The following CNTRL variants were observed in gnomAD, a reference collection of about 807,000 sequenced individuals.
CNTRL encodes 110 kDa centrosomal protein.
Under a neutral mutation model 303.7 loss-of-function variants are expected in CNTRL, and 233 were observed. The ratio of observed to expected loss-of-function variants is 0.77; its 90% confidence interval spans 0.69 to 0.86. The LOEUF is 0.86. CNTRL is among the 40% of genes least tolerant of loss of function. The probability of loss-of-function intolerance (pLI) is 0.00; values close to 1 mark genes in which losing one functional copy is unlikely to be tolerated. For synonymous variants in CNTRL, 900 were observed against 922.2 expected, an observed-to-expected ratio of 0.98 and a Z score of 0.44; for missense variants, 2,524 against 2,650.6, an observed-to-expected ratio of 0.95 and a Z score of 1.05.
At chr9:121,152,401 A>C (rs1056371025) in intron 25 of CNTRL, 84 bp from the exon 26 acceptor site, 4 of 1,130,154 alleles carry the variant, frequency 3.5e-6, no homozygotes, top group Non-Finnish European at 5.3e-6. Flanking sequence ...CACTTTAACC[A>C]CAGTTAATTT....
In CNTRL at chr9:121,166,256, A is replaced by T; in HGVS notation, c.5655+76A>T. ...CATTGGTTTAAATAACAAAGAAATC[A>T]AGTAGGCTGGTTCCTCTTCACAACA... On this transcript the variant is annotated intron_variant, in intron 36 of 43. Coordinates refer to ENST00000373855, the MANE Select transcript of CNTRL (RefSeq NM_007018.6). 2.9e-6 allele frequency: 3 copies of T among 1,025,514 alleles called. No homozygotes were observed. In the South Asian group the frequency reaches 4.6e-5, roughly 16 times the overall value. The allele number at this position is 1,025,514 out of a possible 1,614,324, so 63.5% of individuals were successfully genotyped here.
intron 16 of CNTRL, among the ~76,000 whole-genome samples, chr9:121,140,378 T>C (rs1032605072): frequency 2.6e-5 from 4 of 152,230 alleles, no homozygotes; most frequent in Non-Finnish European, 4.4e-5. Context: ...GCAATGGGCA[T>C]GGACAGTTTA....
At chr9:121,090,830 C>T (rs575013371) in intron 4 of CNTRL, among the ~76,000 whole-genome samples, 1 of 152,244 alleles carries the variant, frequency 6.6e-6, no homozygotes, top group East Asian at 1.9e-4. Context: ...TTTCATGCTG[C>T]TGATAAAGAC....
chr9:121,133,526 C>T (rs2050997267), intron 14 of CNTRL, among the ~76,000 whole-genome samples: 1 of 152,248 alleles, frequency 6.6e-6, no homozygotes, highest in African/African-American at 2.4e-5. Context: ...TGAGAGTGTC[C>T]TGTTTTTCCA....
Position 121,173,419 on chromosome 9 carries a change from A to T in CNTRL, c.6594A>T (p.Gly2198=). ...AILERNENLE[G]ELESLKENLP... is the part of the protein sequence containing the mutation. ...TGGAAAGAAACGAAAACCTAGAAGGAGAATTGGAAAGCTTGAAAGAGAACC... is the reference window on the plus strand; with the variant it reads ...TGGAAAGAAACGAAAACCTAGAAGGTGAATTGGAAAGCTTGAAAGAGAACC... The change falls in exon 41 of 44, where the codon GGA becomes GGT. Residue 2198 remains glycine, a synonymous_variant. Coordinates refer to ENST00000373855, the MANE Select transcript of CNTRL (RefSeq NM_007018.6). 6.2e-7 allele frequency: 1 copy of T among 1,614,030 alleles called. No homozygotes were observed. Among genetic ancestry groups the T allele is most frequent in the Non-Finnish European group, 8.5e-7 (1 of 1,179,994 alleles).
rs768183777 is a variant in CNTRL at position 121,144,886 on chromosome 9, C to G, written c.3095C>G (p.Ala1032Gly). Residue 1032 changes from alanine (A) to glycine (G), a missense_variant, in exon 21 of 44, where the codon GCA (alanine) becomes GGA (glycine). Coordinates refer to ENST00000373855, the MANE Select transcript of CNTRL (RefSeq NM_007018.6). ...AERFSRKAAQ[A>G]ARDLTRAEAE... ...AGGTTCAGCAGAAAGGCAGCACAAG[C>G]AGCCAGAGATCTCACCCGAGCAGAA... is the stretch of plus-strand genomic sequence containing the variant. The G allele has an allele frequency of 6.2e-7, 1 of 1,613,376 alleles. No individual in the cohort carries two copies. The highest frequency in any genetic ancestry group is 1.3e-5 in the African/African-American group (1 of 74,892).
chr9:121,088,165 C>G, intron 2 of CNTRL, 131 bp from the exon 3 acceptor site: 1 of 603,952 alleles, frequency 1.7e-6, no homozygotes, highest in East Asian at 2.8e-5. Flanking sequence ...GCTCCATCAG[C>G]TTGGAGTAGT....
At position 121,096,565 on chromosome 9, in the gene CNTRL, T is replaced by C; in HGVS notation, c.621+2T>C. 1.4e-6 allele frequency: 2 copies of C among 1,434,010 alleles called. No homozygotes were observed. The highest frequency in any genetic ancestry group is 1.9e-6 in the Non-Finnish European group (2 of 1,080,882). The allele number at this position is 1,434,010 out of a possible 1,614,324, so 88.8% of individuals were successfully genotyped here. A position where few individuals can be genotyped will look rare whatever the true frequency, so the allele number is the denominator to read the frequency against. Reference sequence around the variant, plus strand: ...TTGAAAGGCAACAAGATATCATCGGTAAGTTATTCAAAATAGCAGGAATTT... The same window carrying C: ...TTGAAAGGCAACAAGATATCATCGGCAAGTTATTCAAAATAGCAGGAATTT... On this transcript the variant is annotated splice_donor_variant, in intron 6 of 43. Coordinates refer to ENST00000373855, the MANE Select transcript of CNTRL (RefSeq NM_007018.6). LOFTEE classifies it high-confidence loss of function.
At position 121,154,800 on chromosome 9, in the gene CNTRL, G is replaced by A. The variant is rs764264055; in HGVS notation, c.4252G>A (p.Val1418Ile). Residue 1418 changes from valine to isoleucine, a missense_variant, in exon 27 of 44, where the codon GTA (valine) becomes ATA (isoleucine). Physicochemically the swap from Val to Ile is conservative, Grantham distance 29. Transcript: ENST00000373855. ...ATCACTCAAACATCATGAAGATATT[G>A]TAGATGAAATTGAGTGCATTGAGAA... is the stretch of plus-strand genomic sequence containing the variant. ...EKSLKHHEDI[V>I]DEIECIEKTL... 1.6e-5 allele frequency: 26 copies of A among 1,612,174 alleles called. No homozygotes were observed. Among genetic ancestry groups the A allele is most frequent in the Non-Finnish European group, 2.0e-5 (24 of 1,178,296 alleles).
intron 12 of CNTRL, among the ~76,000 whole-genome samples, chr9:121,119,817 A>G (rs2050150636): frequency 1.3e-5 from 2 of 152,174 alleles, no homozygotes; most frequent in Non-Finnish European, 2.9e-5. Flanking sequence ...AAGAGCAGAA[A>G]AAGCTGAAGG....
Position 121,145,332 on chromosome 9 carries a change from G to T in CNTRL, c.3257G>T (p.Arg1086Leu), listed in dbSNP as rs1259748874. ...GAGAAACTGAATGAGACAATGGAAC[G>T]ACAAAGGACAGAGATTGCAAGGCTG... ...EIEKLNETME[R>L]QRTEIARLQN... is the part of the protein sequence containing the mutation. The change falls in exon 22 of 44, where the codon CGA becomes CTA. Residue 1086 changes from arginine (R) to leucine (L), a missense_variant. Coordinates refer to ENST00000373855, the MANE Select transcript of CNTRL (RefSeq NM_007018.6). 2 of 1,614,048 alleles carry T rather than the reference G, an allele frequency of 1.2e-6. No individual in the cohort carries two copies. The highest frequency in any genetic ancestry group is 2.2e-5 in the South Asian group (2 of 91,064).
chr9:121,157,428 G>A (rs202119897), intron 27 of CNTRL, 42 bp from the exon 28 acceptor site: 913 of 1,599,814 alleles, frequency 5.7e-4, no homozygotes, highest in Non-Finnish European at 7.2e-4. Flanking sequence ...CTGTGAGTGA[G>A]TATTGTAACT....
intron 38 of CNTRL, among the ~76,000 whole-genome samples, chr9:121,168,941 A>C (rs2053198705): frequency 6.6e-6 from 1 of 152,210 alleles, no homozygotes; most frequent in Admixed American, 6.5e-5. Flanking sequence ...CCCAGACCCA[A>C]TCATTTCATT....
intron 17 of CNTRL, 147 bp downstream of exon 17, chr9:121,140,933 T>A (rs2133977686): frequency 2.9e-6 from 2 of 696,100 alleles, no homozygotes; most frequent in East Asian, 5.9e-5. Flanking sequence ...TTTTCATGAC[T>A]GAGACAAAAG....
rs764740670 is a variant in CNTRL at position 121,165,045 on chromosome 9, CAG to C, written c.5530_5531del (p.Asp1844GlnfsTer6). ...KLQQELDQLN[R>X]DKLSLHNDIS... ...TGCAGCAGGAACTAGACCAACTAAA[CAG>C]AGACAAGTTGTCACTGCATAACGAC... On this transcript the variant is annotated frameshift_variant, in exon 35 of 44. Transcript: ENST00000373855. LOFTEE classifies it high-confidence loss of function. 1.2e-6 allele frequency: 2 copies of C among 1,607,812 alleles called. No individual in the cohort carries two copies. Among genetic ancestry groups the C allele is most frequent in the South Asian group, 1.1e-5 (1 of 89,920 alleles).
chr9:121,140,755 A>G lies in CNTRL; in HGVS notation c.2452A>G (p.Arg818Gly), dbSNP rs755805880. 8 of 1,613,028 alleles carry G rather than the reference A, an allele frequency of 5.0e-6. 1 individual carries two copies. The South Asian group carries it at 7.7e-5, about 16-fold the overall frequency. ...GGCAGCTCGTGTGGATGAGCTAAGA[A>G]GAAAACTGAAATTAGGAACTGGGGA... ...EVAARVDELRRKLKLGTGEMN... is the reference protein window; with the variant it reads ...EVAARVDELRGKLKLGTGEMN... The change falls in exon 17 of 44, where the codon AGA becomes GGA. Residue 818 changes from arginine (R) to glycine (G), a missense_variant. Arg to Gly is a moderately radical substitution (Grantham distance 125). Coordinates refer to ENST00000373855, the MANE Select transcript of CNTRL (RefSeq NM_007018.6).
At chr9:121,133,222 G>C (rs555086786) in intron 14 of CNTRL, among the ~76,000 whole-genome samples, 5 of 152,208 alleles carry the variant, frequency 3.3e-5, no homozygotes, top group Non-Finnish European at 7.4e-5. Context: ...GCTGCCTTTT[G>C]TTCAGCTATG....
In CNTRL at chr9:121,177,250, T is replaced by C; in HGVS notation, c.*64T>C. The C allele has an allele frequency of 3.7e-6, 5 of 1,350,822 alleles. No homozygotes were observed. The highest frequency in any genetic ancestry group is 1.1e-6 in the Non-Finnish European group (1 of 950,766). The allele number at this position is 1,350,822 out of a possible 1,614,324, so 83.7% of individuals were successfully genotyped here. Reference sequence around the variant, plus strand: ...CTCCACTACCTCACTGACTTCATAATTGGAATGTCACATGGTTTTTTTAAT... The same window carrying C: ...CTCCACTACCTCACTGACTTCATAACTGGAATGTCACATGGTTTTTTTAAT... On this transcript the variant is annotated 3_prime_UTR_variant, in exon 44 of 44. Coordinates refer to ENST00000373855, the MANE Select transcript of CNTRL (RefSeq NM_007018.6).
chr9:121,170,581 G>T (rs2053264500), intron 39 of CNTRL, among the ~76,000 whole-genome samples: 1 of 152,254 alleles, frequency 6.6e-6, no homozygotes, highest in South Asian at 2.1e-4. Context: ...TCAGCCTCCT[G>T]AGTATCTGGA....
Sources: allele counts gnomAD v4.1 joint callset (sites outside exome capture counted in the v4.1 genomes callset), GRCh38; gene constraint gnomAD v4.1.1; transcripts MANE v1.5; gene names NCBI Gene and HGNC (gene_info 2026-07-23, HGNC 2026-07-21).